Variants in STIM2 observed in about 807,000 individuals in gnomAD.
STIM2 encodes stromal interaction molecule 2.
Under a neutral mutation model 85.8 loss-of-function variants are expected in STIM2, and 31 were observed. The ratio of observed to expected loss-of-function variants is 0.36; its 90% confidence interval spans 0.27 to 0.49. STIM2 has a LOEUF of 0.49. STIM2 is among the 20% of genes least tolerant of loss of function. The pLI is 0.98. For missense variants in STIM2, 841 were observed against 927.6 expected, an observed-to-expected ratio of 0.91 and a Z score of 1.21; for synonymous variants, 356 against 331.1, an observed-to-expected ratio of 1.08 and a Z score of -0.82.
intron 3 of STIM2, among the ~76,000 whole-genome samples, chr4:26,967,443 A>G (rs952358033): frequency 8.5e-5 from 13 of 152,312 alleles, no homozygotes; most frequent in South Asian, 4.1e-4. Flanking sequence ...TCAGGAAGGC[A>G]CAGTGTCATG....
intron 1 of STIM2, among the ~76,000 whole-genome samples, chr4:26,911,531 C>T: frequency 6.6e-6 from 1 of 152,154 alleles, no homozygotes; most frequent in East Asian, 1.9e-4. Context: ...AGAACATCTG[C>T]AGTGGTTTCT....
At chr4:26,914,233 T>C (rs1724449389) in intron 1 of STIM2, among the ~76,000 whole-genome samples, 1 of 152,244 alleles carries the variant, frequency 6.6e-6, no homozygotes, top group Non-Finnish European at 1.5e-5. Flanking sequence ...ATGCCTACTT[T>C]GTGGGCAAAG....
intron 3 of STIM2, among the ~76,000 whole-genome samples, chr4:26,960,976 A>C (rs561879725): frequency 1.3e-5 from 2 of 151,856 alleles, no homozygotes; most frequent in Non-Finnish European, 2.9e-5. Context: ...AGGCAGCAGA[A>C]TCACTTGAAC....
At chr4:26,863,075 T>A (rs563593232) in intron 1 of STIM2, among the ~76,000 whole-genome samples, 1 of 152,304 alleles carries the variant, frequency 6.6e-6, no homozygotes, top group South Asian at 2.1e-4. Flanking sequence ...TAAGTATATT[T>A]TATACTGTGT....
At chr4:27,013,739 A>G (rs76782270) in intron 10 of STIM2, among the ~76,000 whole-genome samples, 1,574 of 152,158 alleles carry the variant, frequency 0.01, 16 homozygotes, top group Non-Finnish European at 0.017. Flanking sequence ...CCTGTAAAAC[A>G]CTTGGAACCA....
At chr4:26,922,148 C>T (rs559900903) in intron 2 of STIM2, among the ~76,000 whole-genome samples, 32 of 151,894 alleles carry the variant, frequency 2.1e-4, no homozygotes, top group African/African-American at 6.8e-4. Flanking sequence ...TATTGTGGGC[C>T]GTTTTATTAA....
intron 1 of STIM2, among the ~76,000 whole-genome samples, chr4:26,863,315 C>T (rs1722287364): frequency 1.3e-5 from 2 of 152,038 alleles, no homozygotes; most frequent in Admixed American, 6.5e-5. Context: ...TTCCTTTTGT[C>T]AGAATATTGA....
chr4:27,002,230 C>T lies in STIM2; in HGVS notation c.639C>T (p.Asn213=), dbSNP rs1486479952. Reference sequence around the variant, plus strand: ...TTCTTTTAATAGGCCCACCTCATAACTGGATGAAAGATTTTATCCTCACAG... The same window carrying T: ...TTCTTTTAATAGGCCCACCTCATAATTGGATGAAAGATTTTATCCTCACAG... Residue 213 remains asparagine (N), a synonymous_variant, in exon 6 of 12, where the codon AAC becomes AAT. Transcript: ENST00000467087. 2 of 1,608,498 alleles carry T rather than the reference C, an allele frequency of 1.2e-6. No individual in the cohort carries two copies. Among genetic ancestry groups the T allele is most frequent in the Admixed American group, 3.4e-5 (2 of 58,948 alleles).
At chr4:26,887,937 C>G (rs1004207463) in intron 1 of STIM2, among the ~76,000 whole-genome samples, 5 of 152,232 alleles carry the variant, frequency 3.3e-5, no homozygotes, top group South Asian at 2.1e-4. Context: ...ATAGGATAGG[C>G]TGGCAGATTG....
chr4:26,967,708 T>C (rs1726775743), intron 3 of STIM2, among the ~76,000 whole-genome samples: 1 of 152,196 alleles, frequency 6.6e-6, no homozygotes, highest in African/African-American at 2.4e-5. Context: ...GTAAGTGTCT[T>C]TACCTCAGCT....
At chr4:26,985,805 T>G (rs564317388) in intron 3 of STIM2, among the ~76,000 whole-genome samples, 15 of 152,336 alleles carry the variant, frequency 9.8e-5, no homozygotes, top group African/African-American at 3.6e-4. Context: ...AAAAAATTAT[T>G]AACAAGCCAG....
In STIM2 at chr4:26,887,861, CAT is replaced by C. The variant is rs371217144; in HGVS notation, c.151+26494_151+26495del. On this transcript the variant is annotated intron_variant, in intron 1 of 11. Transcript: ENST00000467087. ...TCTACATAGATAGACATAGGTAAAA[CAT>C]AGAGACTTATTTCAAGGAATTGGCT... 5.1e-4 allele frequency among the ~76,000 whole-genome samples: 77 copies of C among 152,100 alleles called. No individual in the cohort carries two copies. In the East Asian group the frequency reaches 0.014, roughly 27 times the overall value.
In STIM2 at chr4:27,023,050, C is replaced by T; in HGVS notation, c.*54C>T. The T allele has an allele frequency of 2.6e-6, 4 of 1,509,494 alleles. 1 individual carries two copies. Among genetic ancestry groups the T allele is most frequent in the South Asian group, 2.4e-5 (2 of 82,450 alleles). The allele number at this position is 1,509,494 out of a possible 1,614,324, so 93.5% of individuals were successfully genotyped here. ...AGTGGCATCTGTAAACTATTATCCCCCACCCTCCACTCCCCACCTTTTTTT... is the reference window on the plus strand; with the variant it reads ...AGTGGCATCTGTAAACTATTATCCCTCACCCTCCACTCCCCACCTTTTTTT... On this transcript the variant is annotated 3_prime_UTR_variant, in exon 12 of 12. Transcript: ENST00000467087.
At chr4:26,957,402 C>CTGG (rs1406623782) in intron 2 of STIM2, among the ~76,000 whole-genome samples, 1 of 152,062 alleles carries the variant, frequency 6.6e-6, no homozygotes, top group East Asian at 1.9e-4. Context: ...ACTGCTGTTG[C>CTGG]TGGTGGTGGT....
intron 2 of STIM2, among the ~76,000 whole-genome samples, chr4:26,920,571 T>C (rs1724758131): frequency 6.6e-6 from 1 of 152,190 alleles, no homozygotes; most frequent in African/African-American, 2.4e-5. Context: ...TATAGTAAAT[T>C]ACATTATTTT....
chr4:26,945,793 GT>G (rs1228726390), intron 2 of STIM2, among the ~76,000 whole-genome samples: 8 of 150,758 alleles, frequency 5.3e-5, no homozygotes, highest in Non-Finnish European at 8.9e-5. Flanking sequence ...TTTTAATGGG[GT>G]TTTTTTTTCT....
intron 11 of STIM2, chr4:27,019,314 GCTTTATATCTT>G: frequency 1.5e-6 from 1 of 688,014 alleles, no homozygotes; most frequent in Admixed American, 2.4e-5. Flanking sequence ...GATAATGCAG[GCTTTATATCTT>G]CATTGCAGTT....
chr4:26,906,504 A>C (rs1188726874), intron 1 of STIM2, among the ~76,000 whole-genome samples: 1 of 145,188 alleles, frequency 6.9e-6, no homozygotes, highest in Non-Finnish European at 1.5e-5. Context: ...TAATGATTGG[A>C]CTAGTGCGAT....
At chr4:26,903,189 A>G (rs1686396728) in intron 1 of STIM2, among the ~76,000 whole-genome samples, 1 of 152,168 alleles carries the variant, frequency 6.6e-6, no homozygotes, top group Admixed American at 6.6e-5. Flanking sequence ...GCTTGGGATA[A>G]TAAAATAACT....
Sources: allele counts gnomAD v4.1 joint callset (sites outside exome capture counted in the v4.1 genomes callset), GRCh38; gene constraint gnomAD v4.1.1; transcripts MANE v1.5; gene names NCBI Gene and HGNC (gene_info 2026-07-23, HGNC 2026-07-21).